The following TMEM61 variants were observed in gnomAD, a reference collection of about 807,000 sequenced individuals.
TMEM61 encodes the protein transmembrane protein 61.
A neutral mutation model predicts 12.0 loss-of-function variants in TMEM61; 13 were observed. The observed-to-expected ratio is 1.08, with a 90% confidence interval of 0.70 to 1.72. The LOEUF (loss-of-function observed/expected upper bound fraction) is 1.72, where lower values mean the gene tolerates loss of function less well. Among genes scored for constraint, TMEM61 ranks in the 40% most tolerant of loss-of-function variants. The pLI, the probability that TMEM61 is intolerant of heterozygous loss-of-function variation, is 0.00. For synonymous variants in TMEM61, 109 were observed against 121.4 expected, an observed-to-expected ratio of 0.90 and a Z score of 0.67; for missense variants, 249 against 276.9, an observed-to-expected ratio of 0.90 and a Z score of 0.71.
intron 2 of TMEM61, among the ~76,000 whole-genome samples, chr1:54,989,274 A>G (rs893180879): frequency 4.6e-5 from 7 of 152,300 alleles, no homozygotes; most frequent in South Asian, 4.1e-4. Flanking sequence ...CACTTAGTTG[A>G]CACATGGCCT....
At position 54,981,024 on chromosome 1, in the gene TMEM61, G is replaced by C; in HGVS notation, c.-42G>C. ...CACCACCACACCTTCACCTGCGCCC[G>C]GCTCCCTGCGCGCCTGGACAGCGCC... On this transcript the variant is annotated 5_prime_UTR_variant, in exon 1 of 3. Transcript: ENST00000371268. 1.9e-6 allele frequency: 3 copies of C among 1,547,444 alleles called. No individual in the cohort carries two copies. Among genetic ancestry groups the C allele is most frequent in the East Asian group, 4.9e-5 (2 of 40,826 alleles).
At position 54,980,851 on chromosome 1, in the gene TMEM61, CCTGGGAGG is replaced by C. The variant is rs1488278866; in HGVS notation, c.-214_-207del. The C allele has an allele frequency of 2.3e-6, 1 of 443,184 alleles. No homozygotes were observed. Among genetic ancestry groups the C allele is most frequent in the Non-Finnish European group, 3.9e-6 (1 of 257,084 alleles). 27.5% of individuals were successfully genotyped at this position (443,184 alleles called of 1,614,324 possible). ...GGCGGAGAGGGCGCGGCTGGTGAGCCCTGGGAGGGCCCAGGAGCCAGACCTCGGTTTTG... is the reference window on the plus strand; with the variant it reads ...GGCGGAGAGGGCGCGGCTGGTGAGCCGCCCAGGAGCCAGACCTCGGTTTTG... On this transcript the variant is annotated 5_prime_UTR_variant, in exon 1 of 3. Coordinates refer to ENST00000371268, the MANE Select transcript of TMEM61 (RefSeq NM_182532.3).
Position 54,986,373 on chromosome 1 carries a change from C to T in TMEM61, c.292C>T (p.Arg98Ter), listed in dbSNP as rs369634808. Residue 98 changes from arginine to a stop codon, truncating the protein, a stop_gained, in exon 2 of 3, where the codon CGA becomes TGA. Transcript: ENST00000371268. LOFTEE classifies it high-confidence loss of function. ...SVKASIPGPP[R>*]WDPYHLSRDL... is the part of the protein sequence containing the mutation. ...CAAGGCCAGCATCCCAGGGCCACCT[C>T]GATGGGACCCCTATCACCTCTCCAG... is the stretch of plus-strand genomic sequence containing the variant. 32 of 1,612,666 alleles carry T rather than the reference C, an allele frequency of 2.0e-5. No individual in the cohort carries two copies. Among genetic ancestry groups the T allele is most frequent in the South Asian group, 3.3e-5 (3 of 90,910 alleles).
At chr1:54,983,111 T>TTTTTTTTG in intron 1 of TMEM61, among the ~76,000 whole-genome samples, 1 of 124,108 alleles carries the variant, frequency 8.1e-6, no homozygotes, top group East Asian at 2.1e-4. Flanking sequence ...TTTGCTTTGT[T>TTTTTTTTG]TTTTTTTTTT....
At chr1:54,989,652 C>T (rs1169579771) in intron 2 of TMEM61, among the ~76,000 whole-genome samples, 2 of 152,218 alleles carry the variant, frequency 1.3e-5, no homozygotes, top group African/African-American at 2.4e-5. Context: ...GTGACCTTGG[C>T]GACTTGGAGC....
intron 2 of TMEM61, among the ~76,000 whole-genome samples, chr1:54,987,721 G>A (rs1644270031): frequency 6.6e-6 from 1 of 152,188 alleles, no homozygotes; most frequent in African/African-American, 2.4e-5. Context: ...AGGAAGGAGA[G>A]GCATAGCTAG....
intron 2 of TMEM61, among the ~76,000 whole-genome samples, chr1:54,987,164 C>T (rs1644266559): frequency 6.6e-6 from 1 of 152,240 alleles, no homozygotes; most frequent in African/African-American, 2.4e-5. Context: ...CTCACGCCCA[C>T]TCCCTACTTC....
chr1:54,985,820 C>T (rs1353407116), intron 1 of TMEM61, among the ~76,000 whole-genome samples: 1 of 152,106 alleles, frequency 6.6e-6, no homozygotes, highest in Admixed American at 6.5e-5. Flanking sequence ...CAGATGGGGC[C>T]CCTGAGGCCT....
At position 54,981,015 on chromosome 1, in the gene TMEM61, C is replaced by T. The variant is rs764121292; in HGVS notation, c.-51C>T. The T allele has an allele frequency of 6.5e-7, 1 of 1,534,646 alleles. No individual in the cohort carries two copies. Among genetic ancestry groups the T allele is most frequent in the African/African-American group, 1.4e-5 (1 of 72,656 alleles). On this transcript the variant is annotated 5_prime_UTR_variant, in exon 1 of 3. Coordinates refer to ENST00000371268, the MANE Select transcript of TMEM61 (RefSeq NM_182532.3). Reference sequence around the variant, plus strand: ...GGCGTCCTCCACCACCACACCTTCACCTGCGCCCGGCTCCCTGCGCGCCTG... The same window carrying T: ...GGCGTCCTCCACCACCACACCTTCATCTGCGCCCGGCTCCCTGCGCGCCTG...
rs766576859 is a variant in TMEM61, at chr1:54,981,103, C to T, written c.15+23C>T. On this transcript the variant is annotated intron_variant, in intron 1 of 2. Transcript: ENST00000371268. ...CAGGTGGGTGGAAACGGCCTTCTCC[C>T]TCCTTTACGGGCACTCAGCCCCTTC... 2.1e-5 allele frequency: 33 copies of T among 1,583,268 alleles called. No individual in the cohort carries two copies. The South Asian group carries it at 3.1e-4, about 15-fold the overall frequency.
chr1:54,991,189 TCTCTGC>T (rs1359910203), intron 2 of TMEM61, among the ~76,000 whole-genome samples: 3 of 152,160 alleles, frequency 2.0e-5, no homozygotes, highest in African/African-American at 7.2e-5. Flanking sequence ...CAGAACTTGG[TCTCTGC>T]CTCAAGCCCC....
chr1:54,987,333 G>T (rs942852259), intron 2 of TMEM61, among the ~76,000 whole-genome samples: 1 of 152,192 alleles, frequency 6.6e-6, no homozygotes. Flanking sequence ...AAGGTATGGG[G>T]TTGGGGACAA....
rs750613810 is a variant in TMEM61, at chr1:54,981,019, C to T, written c.-47C>T. ...TCCTCCACCACCACACCTTCACCTG[C>T]GCCCGGCTCCCTGCGCGCCTGGACA... On this transcript the variant is annotated 5_prime_UTR_variant, in exon 1 of 3. Coordinates refer to ENST00000371268, the MANE Select transcript of TMEM61 (RefSeq NM_182532.3). 26 of 1,537,918 alleles carry T rather than the reference C, an allele frequency of 1.7e-5. No individual in the cohort carries two copies. Among genetic ancestry groups the T allele is most frequent in the Admixed American group, 2.0e-5 (1 of 50,260 alleles).
chr1:54,985,471 A>C (rs542101537), intron 1 of TMEM61, among the ~76,000 whole-genome samples: 206 of 152,340 alleles, frequency 1.4e-3, no homozygotes, highest in African/African-American at 4.4e-3. Flanking sequence ...TCCTGACCTC[A>C]GGTGATCTGC....
At chr1:54,984,911 G>A (rs962981799) in intron 1 of TMEM61, among the ~76,000 whole-genome samples, 1 of 152,132 alleles carries the variant, frequency 6.6e-6, no homozygotes, top group Non-Finnish European at 1.5e-5. Context: ...CTAGGTTTCC[G>A]CCTCCTACAT....
At chr1:54,987,100 A>AGT (rs1644266250) in intron 2 of TMEM61, among the ~76,000 whole-genome samples, 1 of 152,214 alleles carries the variant, frequency 6.6e-6, no homozygotes, top group Non-Finnish European at 1.5e-5. Flanking sequence ...GACATCAGAT[A>AGT]GTGTGTGTCA....
intron 1 of TMEM61, among the ~76,000 whole-genome samples, chr1:54,982,899 G>A (rs1359264100): frequency 6.6e-6 from 1 of 152,120 alleles, no homozygotes; most frequent in Non-Finnish European, 1.5e-5. Flanking sequence ...AGGACACAGT[G>A]CTGTTGTGGG....
At chr1:54,983,945 A>G (rs2495516) in intron 1 of TMEM61, among the ~76,000 whole-genome samples, 110,427 of 151,884 alleles carry the variant, frequency 0.73, 40,998 homozygotes, top group Non-Finnish European at 0.8. Flanking sequence ...GGTAATTTAC[A>G]AATGGAATTT....
chr1:54,985,358 T>C (rs1644250699), intron 1 of TMEM61, among the ~76,000 whole-genome samples: 1 of 152,100 alleles, frequency 6.6e-6, no homozygotes, highest in Non-Finnish European at 1.5e-5. Context: ...TGCCTCAGCC[T>C]CCCGAGTAGC....
Sources: gnomAD v4.1 joint callset for allele counts (sites outside exome capture counted in the v4.1 genomes callset) on GRCh38, gnomAD v4.1.1 for gene constraint, MANE v1.5 for transcripts, NCBI Gene and HGNC (gene_info 2026-07-23, HGNC 2026-07-21) for gene names.